The following KIAA1328 variants were observed in gnomAD, a reference collection of about 807,000 sequenced individuals.
KIAA1328 encodes protein hinderin.
A neutral mutation model predicts 68.1 loss-of-function variants in KIAA1328; 52 were observed. The ratio of observed to expected loss-of-function variants is 0.76; its 90% CI spans 0.61 to 0.96. KIAA1328 has a LOEUF of 0.96. Ranked by LOEUF, KIAA1328 falls within the 40% of genes least tolerant of loss-of-function variation. The pLI is 0.00. For missense variants in KIAA1328, 641 were observed against 677.6 expected (o/e 0.95, Z 0.60); for synonymous variants, 232 against 239.4 (o/e 0.97, Z 0.28).
intron 5 of KIAA1328, among the ~76,000 whole-genome samples, chr18:36,942,873 C>A (rs1417667312): frequency 6.6e-6 from 1 of 152,158 alleles, no homozygotes; most frequent in African/African-American, 2.4e-5. Context: ...ACTTGATCGA[C>A]ACATATGTTA....
chr18:36,884,747 TG>T (rs774738383), intron 4 of KIAA1328, among the ~76,000 whole-genome samples: 3 of 152,204 alleles, frequency 2.0e-5, no homozygotes, highest in Non-Finnish European at 2.9e-5. Context: ...CAGAGAAATT[TG>T]GGGTTAATGT....
At chr18:37,188,698 C>T (rs112159497) in intron 9 of KIAA1328, among the ~76,000 whole-genome samples, 72 of 152,284 alleles carry the variant, frequency 4.7e-4, no homozygotes, top group African/African-American at 1.7e-3. Context: ...CACAGGTTTC[C>T]CTAATTCTTT....
intron 5 of KIAA1328, among the ~76,000 whole-genome samples, chr18:36,948,168 C>G (rs957221625): frequency 6.6e-6 from 1 of 151,754 alleles, no homozygotes; most frequent in Non-Finnish European, 1.5e-5. Flanking sequence ...AAATGGATAG[C>G]TCATGAAATG....
At chr18:36,846,209 A>G (rs2047023123) in intron 4 of KIAA1328, among the ~76,000 whole-genome samples, 1 of 151,586 alleles carries the variant, frequency 6.6e-6, no homozygotes, top group Non-Finnish European at 1.5e-5. Context: ...AGCAGTGGCA[A>G]CAAAACATTC....
intron 5 of KIAA1328, among the ~76,000 whole-genome samples, chr18:36,892,985 A>G (rs1265459005): frequency 6.6e-6 from 1 of 152,126 alleles, no homozygotes. Flanking sequence ...CCGTACCCCA[A>G]ACTTCAGCAT....
chr18:36,879,739 T>C (rs2048266622), intron 4 of KIAA1328, among the ~76,000 whole-genome samples: 1 of 152,150 alleles, frequency 6.6e-6, no homozygotes, highest in Non-Finnish European at 1.5e-5. Flanking sequence ...AGAGGAAGAA[T>C]CTAGAGAGGC....
intron 5 of KIAA1328, among the ~76,000 whole-genome samples, chr18:36,906,774 T>C (rs1228408657): frequency 6.6e-6 from 1 of 152,102 alleles, no homozygotes; most frequent in Non-Finnish European, 1.5e-5. Context: ...CAAGTTTTTG[T>C]GTGGACATAA....
intron 6 of KIAA1328, among the ~76,000 whole-genome samples, chr18:36,960,135 A>G (rs2151273686): frequency 6.6e-6 from 1 of 152,294 alleles, no homozygotes; most frequent in African/African-American, 2.4e-5. Context: ...AGTCTTAGCA[A>G]CCAGCAGACC....
intron 5 of KIAA1328, among the ~76,000 whole-genome samples, chr18:36,925,420 A>T (rs2050076036): frequency 6.6e-6 from 1 of 152,216 alleles, no homozygotes; most frequent in South Asian, 2.1e-4. Context: ...TCCTGGGCAG[A>T]TCTAGAATAC....
At chr18:36,946,650 A>C (rs1370439163) in intron 5 of KIAA1328, 1 of 152,220 alleles carries the variant, frequency 6.6e-6, no homozygotes, top group African/African-American at 2.4e-5. Context: ...TTTATTTGTA[A>C]AATGAGATTA....
chr18:37,094,044 G>C (rs2057336287), intron 7 of KIAA1328, among the ~76,000 whole-genome samples: 1 of 152,192 alleles, frequency 6.6e-6, no homozygotes, highest in Admixed American at 6.5e-5. Flanking sequence ...GGTGTGGGGA[G>C]GATGGTTTTG....
intron 7 of KIAA1328, among the ~76,000 whole-genome samples, 187 bp downstream of exon 7, chr18:37,067,732 G>GTATTTT (rs760507269): frequency 3.9e-5 from 6 of 151,984 alleles, no homozygotes; most frequent in Non-Finnish European, 8.8e-5. Flanking sequence ...GCTAATTTTT[G>GTATTTT]TATTTTTAGT....
intron 4 of KIAA1328, among the ~76,000 whole-genome samples, chr18:36,880,891 T>C (rs1485809157): frequency 6.6e-6 from 1 of 152,224 alleles, no homozygotes; most frequent in Non-Finnish European, 1.5e-5. Context: ...AATTTTCAAC[T>C]GTTAATCAAA....
intron 6 of KIAA1328, among the ~76,000 whole-genome samples, chr18:36,995,364 A>G (rs1421698444): frequency 6.6e-6 from 1 of 152,122 alleles, no homozygotes; most frequent in African/African-American, 2.4e-5. Context: ...TCATTGATGG[A>G]CATTTGGGTT....
chr18:36,902,422 C>T (rs572203472), intron 5 of KIAA1328: 11 of 152,100 alleles, frequency 7.2e-5, no homozygotes, highest in South Asian at 4.1e-4. Flanking sequence ...TTAGTATTAA[C>T]GTGCCGTGAT....
intron 6 of KIAA1328, among the ~76,000 whole-genome samples, chr18:36,966,292 A>C (rs531865237): frequency 6.6e-6 from 1 of 152,328 alleles, no homozygotes; most frequent in East Asian, 1.9e-4. Flanking sequence ...GGAAAATGAC[A>C]TAAGGCAGTA....
chr18:37,163,733 C>G (rs2059329880), intron 8 of KIAA1328, among the ~76,000 whole-genome samples: 1 of 152,150 alleles, frequency 6.6e-6, no homozygotes, highest in Admixed American at 6.5e-5. Flanking sequence ...GTCCAAAGTA[C>G]AGAAATCATT....
At chr18:36,913,568 A>ACACACACACACT (rs1491425474) in intron 5 of KIAA1328, among the ~76,000 whole-genome samples, 3 of 147,678 alleles carry the variant, frequency 2.0e-5, no homozygotes, top group Non-Finnish European at 4.5e-5. Flanking sequence ...ACACACACAC[A>ACACACACACACT]CTACTTAGAG....
At chr18:37,045,286 C>T (rs1346852467) in intron 6 of KIAA1328, among the ~76,000 whole-genome samples, 2 of 152,174 alleles carry the variant, frequency 1.3e-5, no homozygotes, top group East Asian at 3.8e-4. Flanking sequence ...TGTAGCCTTA[C>T]CAAGCAGCTG....
Sources: gnomAD v4.1 joint callset for allele counts (sites outside exome capture counted in the v4.1 genomes callset) on GRCh38, gnomAD v4.1.1 for gene constraint, MANE v1.5 for transcripts, NCBI Gene and HGNC (gene_info 2026-07-23, HGNC 2026-07-21) for gene names.